ARHGEF12: variants seen among roughly 807,000 people sequenced by gnomAD.
ARHGEF12 encodes Rho guanine nucleotide exchange factor 12, also known as KMT2A/ARHGEF12 fusion protein.
A neutral mutation model predicts 211.2 loss-of-function variants in ARHGEF12; 66 were observed. That is an observed-to-expected ratio of 0.31 (90% CI 0.26 to 0.38). The LOEUF (loss-of-function observed/expected upper bound fraction) is 0.38. Among genes scored for constraint, ARHGEF12 ranks in the 10% least tolerant of loss-of-function variants. ARHGEF12 has a pLI of 1.00. For synonymous variants in ARHGEF12, 592 were observed against 638.4 expected (o/e 0.93, Z 1.09); for missense variants, 1,429 against 1,869.5 (o/e 0.76, Z 4.34).
At chr11:120,397,595 C>T (rs1037965177) in intron 1 of ARHGEF12, among the ~76,000 whole-genome samples, 4 of 152,120 alleles carry the variant, frequency 2.6e-5, no homozygotes, top group Non-Finnish European at 5.9e-5. Flanking sequence ...TTGCAGTTAT[C>T]AAGAATTATT....
intron 1 of ARHGEF12, among the ~76,000 whole-genome samples, chr11:120,373,381 A>G (rs1943639508): frequency 6.6e-6 from 1 of 152,222 alleles, no homozygotes; most frequent in African/African-American, 2.4e-5. Context: ...TTCTGTGGCT[A>G]TACAACATTC....
intron 1 of ARHGEF12, among the ~76,000 whole-genome samples, chr11:120,378,784 G>A (rs9633919): frequency 0.46 from 70,581 of 151,976 alleles, 17,350 homozygotes; most frequent in African/African-American, 0.63. Flanking sequence ...TAGACTGTCT[G>A]TGCATAGTTG....
intron 1 of ARHGEF12, among the ~76,000 whole-genome samples, chr11:120,385,714 G>A (rs73010553): frequency 3.9e-5 from 6 of 152,236 alleles, no homozygotes; most frequent in East Asian, 1.9e-4. Flanking sequence ...TTGAAAACCC[G>A]TGCCTTAATT....
rs765436757 is a variant in ARHGEF12, at chr11:120,467,211, A to T, written c.2757A>T (p.Pro919=). The change falls in exon 29 of 41, where the codon CCA becomes CCT. Residue 919 remains proline (P), a synonymous_variant. Coordinates refer to ENST00000397843, the MANE Select transcript of ARHGEF12 (RefSeq NM_015313.3). ...QTFVQDAESN[P]LCRRLQLKDI... ...AATTTTAGGATGCTGAAAGTAATCC[A>T]CTGTGTCGTCGTCTTCAACTGAAGG... The T allele has an allele frequency of 6.2e-7, 1 of 1,611,008 alleles. No homozygotes were observed. Among genetic ancestry groups the T allele is most frequent in the Non-Finnish European group, 8.5e-7 (1 of 1,177,992 alleles).
intron 15 of ARHGEF12, among the ~76,000 whole-genome samples, chr11:120,443,375 C>T (rs561624324): frequency 2.0e-4 from 30 of 152,220 alleles, no homozygotes; most frequent in African/African-American, 7.0e-4. Flanking sequence ...AGTGTATTTC[C>T]TTATACCTAC....
rs1946067616 is a variant in ARHGEF12, at chr11:120,447,058, A to G, written c.1562A>G (p.Gln521Arg). 2 of 1,613,744 alleles carry G rather than the reference A, an allele frequency of 1.2e-6. No homozygotes were observed. The highest frequency in any genetic ancestry group is 1.7e-6 in the Non-Finnish European group (2 of 1,179,888). Residue 521 changes from glutamine to arginine, a missense_variant, in exon 18 of 41, where the codon CAG becomes CGG. By Grantham distance (43) the Gln-to-Arg change is conservative. Coordinates refer to ENST00000397843, the MANE Select transcript of ARHGEF12 (RefSeq NM_015313.3). ...TLEKERTCAEQIVAKIEEVLM... is the reference protein window; with the variant it reads ...TLEKERTCAERIVAKIEEVLM... ...GAGAAGGAGCGGACATGTGCAGAAC[A>G]GATTGTTGCCAAAATTGAAGAAGTA...
At chr11:120,428,619 A>G (rs1945427810) in intron 8 of ARHGEF12, among the ~76,000 whole-genome samples, 2 of 152,210 alleles carry the variant, frequency 1.3e-5, no homozygotes, top group Admixed American at 1.3e-4. Context: ...AAGGTGCTTA[A>G]CAAAGCTTTG....
At position 120,485,118 on chromosome 11, in the gene ARHGEF12, G is replaced by T; in HGVS notation, c.*41G>T. 6.2e-7 allele frequency: 1 copy of T among 1,612,646 alleles called. No individual in the cohort carries two copies. Among genetic ancestry groups the T allele is most frequent in the South Asian group, 1.1e-5 (1 of 90,912 alleles). On this transcript the variant is annotated 3_prime_UTR_variant, in exon 41 of 41. Transcript: ENST00000397843. The stretch of plus-strand genomic sequence containing the variant: ...AGGTGACTGCAGGTTGTTGGATTTG[G>T]AGTATCGGCCGTGTCTCACCACATC...
intron 10 of ARHGEF12, among the ~76,000 whole-genome samples, chr11:120,430,040 T>G (rs1191776750): frequency 6.6e-6 from 1 of 152,192 alleles, no homozygotes; most frequent in African/African-American, 2.4e-5. Context: ...TCACATTTCT[T>G]TGTTCCATAA....
intron 4 of ARHGEF12, among the ~76,000 whole-genome samples, chr11:120,414,018 A>C: frequency 6.6e-6 from 1 of 152,188 alleles, no homozygotes; most frequent in Non-Finnish European, 1.5e-5. Flanking sequence ...TCACTTTCAA[A>C]ATATGATCAT....
chr11:120,336,784 G>A lies in ARHGEF12; in HGVS notation c.-460G>A. ...CCAACGCTGCGGCCACGAGCAGCCGGCAGCCCCAGATAGAGAGCCGGGAGG... is the reference window on the plus strand; with the variant it reads ...CCAACGCTGCGGCCACGAGCAGCCGACAGCCCCAGATAGAGAGCCGGGAGG... On this transcript the variant is annotated 5_prime_UTR_variant, in exon 1 of 41. Transcript: ENST00000397843. 3.5e-6 allele frequency: 1 copy of A among 286,092 alleles called. No homozygotes were observed. Among genetic ancestry groups the A allele is most frequent in the East Asian group, 5.2e-5 (1 of 19,078 alleles). The allele number at this position is 286,092 out of a possible 1,614,324, so 17.7% of individuals were successfully genotyped here. A position where few individuals can be genotyped will look rare whatever the true frequency, so the allele number is the denominator to read the frequency against.
At chr11:120,444,867 A>G (rs1045716892) in intron 15 of ARHGEF12, among the ~76,000 whole-genome samples, 2 of 152,190 alleles carry the variant, frequency 1.3e-5, no homozygotes, top group Non-Finnish European at 2.9e-5. Flanking sequence ...TGGTTGCTGG[A>G]GATTTAAAAC....
In ARHGEF12 at chr11:120,487,191, A is replaced by T. The variant is rs1205574849; in HGVS notation, c.*2114A>T. 11 of 218,534 alleles carry T rather than the reference A, an allele frequency of 5.0e-5. No individual in the cohort carries two copies. Among genetic ancestry groups the T allele is most frequent in the Non-Finnish European group, 1.0e-4 (11 of 108,832 alleles). 13.5% of individuals were successfully genotyped at this position (218,534 alleles called of 1,614,324 possible). A position where few individuals can be genotyped will look rare whatever the true frequency, so the allele number is the denominator to read the frequency against. ...TATGTAATTCTCTAGCACTCAATTA[A>T]GAAGCTTGTAGGTTAGCAAAATTTC... On this transcript the variant is annotated 3_prime_UTR_variant, in exon 41 of 41. Coordinates refer to ENST00000397843, the MANE Select transcript of ARHGEF12 (RefSeq NM_015313.3).
chr11:120,359,353 A>G (rs1943216772), intron 1 of ARHGEF12, among the ~76,000 whole-genome samples: 1 of 152,130 alleles, frequency 6.6e-6, no homozygotes. Context: ...CCTCCCAAGT[A>G]GCTGGGACTA....
chr11:120,448,608 A>G, intron 20 of ARHGEF12: 2 of 449,588 alleles, frequency 4.4e-6, no homozygotes, highest in East Asian at 7.7e-5. Context: ...CATGCCTTAT[A>G]CTTTCCTTTT....
At chr11:120,346,522 G>C (rs1006567447) in intron 1 of ARHGEF12, among the ~76,000 whole-genome samples, 4 of 152,198 alleles carry the variant, frequency 2.6e-5, no homozygotes, top group Admixed American at 6.5e-5. Flanking sequence ...CTGTCAGTGG[G>C]GTAAGGATGT....
chr11:120,448,466 A>G, intron 20 of ARHGEF12, 118 bp downstream of exon 20: 1 of 715,204 alleles, frequency 1.4e-6, no homozygotes, highest in Non-Finnish European at 2.3e-6. Flanking sequence ...AGTCATACAA[A>G]CATTTATAAG....
At chr11:120,411,527 G>A (rs1373940932) in intron 4 of ARHGEF12, 1 of 141,360 alleles carries the variant, frequency 7.1e-6, no homozygotes, top group Non-Finnish European at 1.5e-5. Flanking sequence ...CATTAGCTGA[G>A]TACTTAACAA....
At chr11:120,402,854 C>T (rs1005262694) in intron 1 of ARHGEF12, among the ~76,000 whole-genome samples, 1 of 152,156 alleles carries the variant, frequency 6.6e-6, no homozygotes, top group Non-Finnish European at 1.5e-5. Flanking sequence ...CGACACAAAA[C>T]TTTCTGGTCC....
Sources: gnomAD v4.1 joint callset for allele counts (sites outside exome capture counted in the v4.1 genomes callset) on GRCh38, gnomAD v4.1.1 for gene constraint, MANE v1.5 for transcripts, NCBI Gene and HGNC (gene_info 2026-07-23, HGNC 2026-07-21) for gene names.